CFAP74: variants seen among roughly 807,000 people sequenced by gnomAD.
The protein encoded by CFAP74 is cilia and flagella associated protein 74.
Under a neutral mutation model 188.9 loss-of-function variants are expected in CFAP74, and 124 were observed. That is an observed-to-expected ratio of 0.66 (90% confidence interval 0.57 to 0.76). The LOEUF (loss-of-function observed/expected upper bound fraction) is 0.76. Among genes scored for constraint, CFAP74 ranks in the 30% least tolerant of loss-of-function variants. CFAP74 has a pLI of 0.00. For missense variants in CFAP74, 2,198 were observed against 2,165.2 expected (o/e 1.02, Z -0.30); for synonymous variants, 956 against 916.7 (o/e 1.04, Z -0.77).
In CFAP74 at chr1:1,944,439, A is replaced by G; in HGVS notation, c.2378T>C (p.Val793Ala). The G allele has an allele frequency of 6.5e-7, 1 of 1,536,014 alleles. No individual in the cohort carries two copies. Residue 793 changes from valine (V) to alanine (A), a missense_variant, in exon 21 of 39, where the codon GTC becomes GCC. Coordinates refer to ENST00000682832, the MANE Select transcript of CFAP74 (RefSeq NM_001304360.2). The stretch of plus-strand genomic sequence containing the variant: ...CGGCACATCGATGGCCACGCCCACG[A>G]CCCTGAAATGCAGCTGCATATGGAC... The part of the protein sequence containing the change: ...NPQCPTLHFR[V>A]VGVAIDVPVW...
Position 1,926,239 on chromosome 1 carries a change from C to T in CFAP74, c.3937G>A (p.Glu1313Lys), listed in dbSNP as rs912616328. 9.2e-6 allele frequency: 14 copies of T among 1,514,888 alleles called. No individual in the cohort carries two copies. Among genetic ancestry groups the T allele is most frequent in the African/African-American group, 5.5e-5 (4 of 72,354 alleles). The allele number at this position is 1,514,888 out of a possible 1,614,324, so 93.8% of individuals were successfully genotyped here. A position where few individuals can be genotyped will look rare whatever the true frequency, so the allele number is the denominator to read the frequency against. The change falls in exon 32 of 39, where the codon GAG becomes AAG. Residue 1313 changes from glutamate (E) to lysine (K), a missense_variant. Glu to Lys is a moderately conservative substitution (Grantham distance 56). Coordinates refer to ENST00000682832, the MANE Select transcript of CFAP74 (RefSeq NM_001304360.2). Reference sequence around the variant, plus strand: ...GGCCTGGGACTCACCAGGATGCTCTCGTGGGGAGAGAAGGAAAGCACCAGG... The same window carrying T: ...GGCCTGGGACTCACCAGGATGCTCTTGTGGGGAGAGAAGGAAAGCACCAGG... Reference protein sequence around the residue: ...QVLVLSFSPHESILAQETLDI... With the variant: ...QVLVLSFSPHKSILAQETLDI...
Position 1,924,536 on chromosome 1 carries a change from C to A in CFAP74, c.4105-16G>T. 6.3e-7 allele frequency: 1 copy of A among 1,593,372 alleles called. No homozygotes were observed. The highest frequency in any genetic ancestry group is 2.3e-5 in the East Asian group (1 of 43,448). On this transcript the variant is annotated splice_polypyrimidine_tract_variant and intron_variant, in intron 33 of 38. Coordinates refer to ENST00000682832, the MANE Select transcript of CFAP74 (RefSeq NM_001304360.2). The stretch of plus-strand genomic sequence containing the variant: ...TGTTCTGCAGCTGCAGAGAGCAGGC[C>A]GCGGTCACTGCCCGCCAGCCCCTGC...
At chr1:1,956,860 G>A (rs753330846) in intron 16 of CFAP74, 76 bp from the exon 17 acceptor site, 7 of 1,493,070 alleles carry the variant, frequency 4.7e-6, no homozygotes, top group Non-Finnish European at 5.5e-6. Context: ...CCTGCACGTG[G>A]CTCCAGGCAG....
intron 18 of CFAP74, chr1:1,955,247 G>A (rs745587804): frequency 1.5e-5 from 19 of 1,291,462 alleles, no homozygotes; most frequent in Admixed American, 2.3e-5. Flanking sequence ...AGCGATTCCC[G>A]ATGGCGGCGG....
rs1007104971 is a variant in CFAP74, at chr1:1,975,743, T to A, written c.501-1545A>T. Among the ~76,000 whole-genome samples the A allele has an allele frequency of 1.3e-5, 2 of 152,122 alleles. No homozygotes were observed. The highest frequency in any genetic ancestry group is 2.4e-5 in the African/African-American group (1 of 41,430). On this transcript the variant is annotated intron_variant, in intron 6 of 38. Coordinates refer to ENST00000682832, the MANE Select transcript of CFAP74 (RefSeq NM_001304360.2). This position sits in a 1 kb window ranked among gnomAD's most constrained non-coding sequence, Gnocchi z 4.5. ...TTCCTCCCTCGCGTGACTCATGAAA[T>A]TCTTTAATCTGAGGATTCATGCTCC... is the stretch of plus-strand genomic sequence containing the variant.
intron 17 of CFAP74, 145 bp downstream of exon 17, chr1:1,956,475 G>A: frequency 2.1e-6 from 2 of 937,454 alleles, no homozygotes; most frequent in South Asian, 3.1e-5. Flanking sequence ...CTTCTGCTTA[G>A]GCTGATTTGA....
intron 6 of CFAP74, among the ~76,000 whole-genome samples, chr1:1,974,885 C>A (rs1369215657): frequency 6.6e-6 from 1 of 152,222 alleles, no homozygotes; most frequent in Non-Finnish European, 1.5e-5. Context: ...GGACAGTGTC[C>A]TTCTAACAGC....
At position 1,923,807 on chromosome 1, in the gene CFAP74, A is replaced by C; in HGVS notation, c.4357T>G (p.Ser1453Ala). The C allele has an allele frequency of 1.2e-6, 2 of 1,613,444 alleles. No individual in the cohort carries two copies. Among genetic ancestry groups the C allele is most frequent in the Non-Finnish European group, 1.7e-6 (2 of 1,179,852 alleles). The change falls in exon 35 of 39, where the codon TCC becomes GCC. Residue 1453 changes from serine to alanine, a missense_variant. By Grantham distance (99) the Ser-to-Ala change is moderately conservative. Coordinates refer to ENST00000682832, the MANE Select transcript of CFAP74 (RefSeq NM_001304360.2). The surrounding 1 kb of genome is among the most constrained non-coding windows in gnomAD (Gnocchi z 6.3). ...AAGAGCACCACCTGGAGCTTGTCGG[A>C]GAAGTAGAGGCTTTCGTGGTCGGGG... ...FSPDHESLYF[S>A]DKLQVVLFEK...
At chr1:1,938,052 A>C (rs111781504) in intron 25 of CFAP74, among the ~76,000 whole-genome samples, 1 of 103,204 alleles carries the variant, frequency 9.7e-6, no homozygotes, top group African/African-American at 3.4e-5. Flanking sequence ...ACATGCACTC[A>C]CACTCAACCT....
chr1:1,980,499 A>G (rs4648740), intron 6 of CFAP74, among the ~76,000 whole-genome samples: 1,122 of 75,280 alleles, frequency 0.015, 76 homozygotes, highest in South Asian at 0.018. Flanking sequence ...TGGGCGCCTC[A>G]CAGCAGCCCC....
chr1:1,971,464 C>T (rs760628488), intron 9 of CFAP74, among the ~76,000 whole-genome samples: 8 of 152,280 alleles, frequency 5.3e-5, no homozygotes, highest in Non-Finnish European at 1.0e-4. Context: ...CACACTGGGC[C>T]GTTGAACAGA....
intron 18 of CFAP74, chr1:1,955,453 G>C (rs1654537100): frequency 6.5e-7 from 1 of 1,544,844 alleles, no homozygotes; most frequent in Non-Finnish European, 8.8e-7. Context: ...CTGGGCCAAT[G>C]CTGGAGGTGC....
chr1:1,988,366 G>T, intron 4 of CFAP74, 146 bp downstream of exon 4: 1 of 978,012 alleles, frequency 1.0e-6, no homozygotes, highest in Non-Finnish European at 1.5e-6. Context: ...GGGGCTTGCA[G>T]AACTGCTCCT....
chr1:1,933,671 T>C (rs564954078), intron 25 of CFAP74, among the ~76,000 whole-genome samples: 31 of 152,364 alleles, frequency 2.0e-4, no homozygotes, highest in Admixed American at 1.8e-3. Flanking sequence ...GTGTTTTCTC[T>C]TTTTATCCTC....
intron 20 of CFAP74, 124 bp downstream of exon 20, chr1:1,946,193 C>T (rs1331816844): frequency 2.7e-5 from 32 of 1,201,740 alleles, no homozygotes; most frequent in East Asian, 1.5e-4. Context: ...GCCAACCATC[C>T]GTGCCACCAA....
intron 25 of CFAP74, among the ~76,000 whole-genome samples, chr1:1,932,074 AAAAAAC>A (rs1354120987): frequency 5.5e-4 from 32 of 58,480 alleles, no homozygotes; most frequent in East Asian, 1.4e-3. Context: ...CTCAAAAAAA[AAAAAAC>A]AAAAAACAAA....
chr1:1,956,971 G>A (rs1349569222), intron 16 of CFAP74, among the ~76,000 whole-genome samples, 187 bp from the exon 17 acceptor site: 7 of 152,264 alleles, frequency 4.6e-5, no homozygotes, highest in East Asian at 3.8e-4. Context: ...TGTGGCACGC[G>A]AGTCTGGTTT....
intron 14 of CFAP74, 139 bp from the exon 15 acceptor site, chr1:1,960,169 C>A: frequency 1.4e-6 from 1 of 704,178 alleles, no homozygotes; most frequent in South Asian, 1.7e-5. Flanking sequence ...GCCGCCTTCA[C>A]CCCGGGGAGT....
intron 25 of CFAP74, 136 bp from the exon 26 acceptor site, chr1:1,930,472 G>C: frequency 1.2e-6 from 1 of 822,884 alleles, no homozygotes; most frequent in Non-Finnish European, 1.8e-6. Context: ...CTGCCCAGGG[G>C]GTCACTGCGC....
Sources: gnomAD v4.1 joint callset for allele counts (sites outside exome capture counted in the v4.1 genomes callset) on GRCh38, gnomAD v4.1.1 for gene constraint, Gnocchi (gnomAD v3.1) non-coding constraint, MANE v1.5 for transcripts, NCBI Gene and HGNC (gene_info 2026-07-23, HGNC 2026-07-21) for gene names.